Variants in PHC2 observed in about 807,000 individuals in gnomAD.
PHC2 encodes the protein polyhomeotic homolog 2.
In PHC2, 29 loss-of-function variants were observed where a neutral mutation model predicts 87.4. The observed-to-expected ratio is 0.33, with a 90% CI of 0.25 to 0.45. The LOEUF is 0.45. PHC2 is among the 20% of genes least tolerant of loss of function. The pLI is 1.00. For synonymous variants in PHC2, 438 were observed against 461.7 expected, an observed-to-expected ratio of 0.95 and a Z score of 0.66; for missense variants, 857 against 1,136.7, an observed-to-expected ratio of 0.75 and a Z score of 3.54.
chr1:33,338,513 T>A (rs1426687221), intron 9 of PHC2, among the ~76,000 whole-genome samples: 1 of 152,188 alleles, frequency 6.6e-6, no homozygotes, highest in Non-Finnish European at 1.5e-5. Context: ...CAAAGGAGTT[T>A]GGGCTATTCC....
intron 1 of PHC2, among the ~76,000 whole-genome samples, chr1:33,385,184 A>G (rs532227811): frequency 9.4e-4 from 143 of 152,316 alleles, no homozygotes; most frequent in African/African-American, 3.4e-3. Context: ...CCTGGCCAAA[A>G]GGCTGGGACT....
intron 1 of PHC2, among the ~76,000 whole-genome samples, chr1:33,403,123 CTTTT>C (rs34887101): frequency 1.3e-5 from 1 of 74,642 alleles, no homozygotes; most frequent in African/African-American, 5.7e-5. Context: ...GCCCGGCCCA[CTTTT>C]TTTTTTTTTT....
At chr1:33,346,877 G>T in intron 9 of PHC2, 1 of 985,402 alleles carries the variant, frequency 1.0e-6, no homozygotes. Context: ...ACCAGTAGGG[G>T]TTCCTAATTC....
chr1:33,425,499 A>T (rs554384395), intron 1 of PHC2, among the ~76,000 whole-genome samples: 124 of 152,368 alleles, frequency 8.1e-4, no homozygotes, highest in South Asian at 1.9e-3. Flanking sequence ...TGAAAAAGAC[A>T]TGGTCCCTAG....
Position 33,346,409 on chromosome 1 carries a change from AAC to A in PHC2, c.1558+7990_1558+7991del, listed in dbSNP as rs1439447957. 3 of 985,314 alleles carry A rather than the reference AAC, an allele frequency of 3.0e-6. No homozygotes were observed. In the East Asian group the frequency reaches 3.4e-4, roughly 112 times the overall value. 61.0% of individuals were successfully genotyped at this position (985,314 alleles called of 1,614,324 possible). A position where few individuals can be genotyped will look rare whatever the true frequency, so the allele number is the denominator to read the frequency against. On this transcript the variant is annotated intron_variant, in intron 9 of 14. Transcript: ENST00000683057. Reference sequence around the variant, plus strand: ...CACAAAACAAAGGGAATAAAAGAGAAACTATCAATTATGAAGACTCCTCATTC... The same window carrying A: ...CACAAAACAAAGGGAATAAAAGAGAATATCAATTATGAAGACTCCTCATTC...
At chr1:33,341,975 C>T (rs1003664190) in intron 9 of PHC2, among the ~76,000 whole-genome samples, 2 of 152,232 alleles carry the variant, frequency 1.3e-5, no homozygotes, top group African/African-American at 4.8e-5. Flanking sequence ...CTGTGGCTCC[C>T]TGAGGAACCT....
At position 33,349,392 on chromosome 1, in the gene PHC2, G is replaced by A. The variant is rs1256827082; in HGVS notation, c.1558+5009C>T. On this transcript the variant is annotated intron_variant, in intron 9 of 14. Coordinates refer to ENST00000683057, the MANE Select transcript of PHC2 (RefSeq NM_001385109.1). This position sits in a 1 kb window ranked among gnomAD's most constrained non-coding sequence, Gnocchi z 4.2. ...GTGACACGGCTTCCAGGGGCGACGG[G>A]CGCGCAGGGTCCCCAGGCGAGCGAG... is the stretch of plus-strand genomic sequence containing the variant. 9.1e-6 allele frequency: 9 copies of A among 985,302 alleles called. No homozygotes were observed. The East Asian group carries it at 3.4e-4, about 37-fold the overall frequency. 61.0% of individuals were successfully genotyped at this position (985,302 alleles called of 1,614,324 possible).
chr1:33,389,758 G>T (rs1454555865), intron 1 of PHC2, among the ~76,000 whole-genome samples: 1 of 152,066 alleles, frequency 6.6e-6, no homozygotes, highest in African/African-American at 2.4e-5. Context: ...GCTTCCTGCC[G>T]TATTTGGAAT....
chr1:33,394,212 C>G (rs1649203098), intron 1 of PHC2, among the ~76,000 whole-genome samples: 1 of 151,778 alleles, frequency 6.6e-6, no homozygotes, highest in African/African-American at 2.4e-5. Flanking sequence ...AGTGGCAAAA[C>G]TGGGATTAAA....
intron 1 of PHC2, among the ~76,000 whole-genome samples, chr1:33,381,368 C>T (rs1477708580): frequency 6.6e-6 from 1 of 152,094 alleles, no homozygotes; most frequent in African/African-American, 2.4e-5. Context: ...TTAATCTCTA[C>T]CTCATCCACA....
rs75301095 is a variant in PHC2, at chr1:33,375,729, C to T, written c.-54-136G>A. The T allele has an allele frequency of 1.4e-3, 786 of 550,346 alleles. 13 individuals carry two copies. In the East Asian group the frequency reaches 0.022, roughly 15 times the overall value. The allele number at this position is 550,346 out of a possible 1,614,324, so 34.1% of individuals were successfully genotyped here. A position where few individuals can be genotyped will look rare whatever the true frequency, so the allele number is the denominator to read the frequency against. ...CAGGATCAAAAATATTCAAAAAATA[C>T]GGTGTCTGTACTGAACACGTAAACT... On this transcript the variant is annotated intron_variant, in intron 1 of 14. Transcript: ENST00000683057.
intron 9 of PHC2, among the ~76,000 whole-genome samples, chr1:33,339,594 C>T (rs1646704552): frequency 1.3e-5 from 2 of 152,172 alleles, no homozygotes; most frequent in Admixed American, 6.5e-5. Context: ...GAGGCAGAGG[C>T]AGGGAGGCTC....
rs376228057 is a variant in PHC2, at chr1:33,330,243, A to G, written c.2007-31T>C. 2.8e-5 allele frequency: 45 copies of G among 1,611,478 alleles called. No homozygotes were observed. The African/African-American group carries it at 4.8e-4, about 17-fold the overall frequency. ...GGGACAGGGGAACAGGGGATGTCAC[A>G]GTAGTCATTGTGCTTATGGGCCGTA... On this transcript the variant is annotated intron_variant, in intron 12 of 14. Transcript: ENST00000683057.
rs376281925 is a variant in PHC2 at position 33,349,191 on chromosome 1, CAGGCGCCTCCAAGAT to C, written c.1558+5195_1558+5209del. The C allele has an allele frequency of 4.9e-3, 4,822 of 985,438 alleles. 12 individuals are homozygous for C. Among genetic ancestry groups the C allele is most frequent in the Middle Eastern group, 0.013 (24 of 1,914 alleles). 61.0% of individuals were successfully genotyped at this position (985,438 alleles called of 1,614,324 possible). On this transcript the variant is annotated intron_variant, in intron 9 of 14. Coordinates refer to ENST00000683057, the MANE Select transcript of PHC2 (RefSeq NM_001385109.1). The surrounding 1 kb of genome is among the most constrained non-coding windows in gnomAD (Gnocchi z 4.2). ...AAAACAAAACTCTCCAGCGAAGCCGCAGGCGCCTCCAAGATAGGGAGTCCACCACCAATAAAGTAC... is the reference window on the plus strand; with the variant it reads ...AAAACAAAACTCTCCAGCGAAGCCGCAGGGAGTCCACCACCAATAAAGTAC...
At chr1:33,350,832 T>G (rs750494776) in intron 9 of PHC2, among the ~76,000 whole-genome samples, 1 of 152,120 alleles carries the variant, frequency 6.6e-6, no homozygotes, top group Non-Finnish European at 1.5e-5. Flanking sequence ...CAACCCCCCT[T>G]TTCATTAATA....
chr1:33,339,495 A>G (rs563202367), intron 9 of PHC2, among the ~76,000 whole-genome samples: 2 of 152,130 alleles, frequency 1.3e-5, no homozygotes, highest in Non-Finnish European at 2.9e-5. Context: ...CCTCAACAGA[A>G]AAGAGGTACA....
At chr1:33,403,088 T>C (rs1426742223) in intron 1 of PHC2, among the ~76,000 whole-genome samples, 2 of 148,600 alleles carry the variant, frequency 1.3e-5, no homozygotes, top group African/African-American at 5.0e-5. Context: ...CCCAAAGTGC[T>C]GGGATTACAG....
intron 14 of PHC2, chr1:33,326,170 G>T (rs1646366584): frequency 9.3e-6 from 2 of 216,100 alleles, no homozygotes; most frequent in South Asian, 1.1e-4. Context: ...TAAAATAGGA[G>T]AGAGAGAAGG....
chr1:33,404,046 T>C (rs1257925763), intron 1 of PHC2, among the ~76,000 whole-genome samples: 1 of 152,200 alleles, frequency 6.6e-6, no homozygotes, highest in East Asian at 1.9e-4. Context: ...GATTTAGATC[T>C]TCAGCTCAGA....
Sources: allele counts gnomAD v4.1 joint callset (sites outside exome capture counted in the v4.1 genomes callset), GRCh38; gene constraint gnomAD v4.1.1; non-coding constraint Gnocchi (gnomAD v3.1); transcripts MANE v1.5; gene names NCBI Gene and HGNC (gene_info 2026-07-23, HGNC 2026-07-21).